Variants in PRSS54 observed in about 807,000 individuals in gnomAD.
PRSS54 encodes inactive serine protease 54.
Under a neutral mutation model 19.9 loss-of-function variants are expected in PRSS54, and 16 were observed. The observed-to-expected ratio is 0.80, with a 90% CI of 0.54 to 1.22. The LOEUF (loss-of-function observed/expected upper bound fraction) is 1.22. Among genes scored for constraint, PRSS54 ranks in the 50% most tolerant of loss-of-function variants. The pLI is 0.00. For missense variants in PRSS54, 444 were observed against 494.8 expected (o/e 0.90, Z 0.97); for synonymous variants, 177 against 195.8 (o/e 0.90, Z 0.80).
At chr16:58,285,657 T>C (rs1386062185) in intron 5 of PRSS54, among the ~76,000 whole-genome samples, 3 of 148,616 alleles carry the variant, frequency 2.0e-5, no homozygotes, top group Non-Finnish European at 4.4e-5. Flanking sequence ...GGAAGATCAC[T>C]TGAGCCCAGG....
At position 58,281,019 on chromosome 16, in the gene PRSS54, C is replaced by G. The variant is rs16960023; in HGVS notation, c.655-262G>C. 1,184 of 454,716 alleles carry G rather than the reference C, an allele frequency of 2.6e-3. 13 individuals are homozygous for G. Among genetic ancestry groups the G allele is most frequent in the African/African-American group, 0.022 (1,112 of 51,632 alleles). The allele number at this position is 454,716 out of a possible 1,614,324, so 28.2% of individuals were successfully genotyped here. ...CCTGGTTCATATTTCATTTTCTTGC[C>G]CCTTTCCAGTCCTTTGGCCAAACCT... On this transcript the variant is annotated intron_variant, in intron 6 of 6. Coordinates refer to ENST00000567164, the MANE Select transcript of PRSS54 (RefSeq NM_001305173.2).
chr16:58,286,250 C>T (rs1964919869), intron 4 of PRSS54, 55 bp from the exon 5 acceptor site: 1 of 1,591,798 alleles, frequency 6.3e-7, no homozygotes, highest in Non-Finnish European at 8.6e-7. Context: ...AAGCTTCACG[C>T]TTCCCTGTTT....
intron 4 of PRSS54, among the ~76,000 whole-genome samples, chr16:58,287,069 A>G (rs1182863166): frequency 6.6e-6 from 1 of 152,260 alleles, no homozygotes; most frequent in Admixed American, 6.5e-5. Context: ...AGGCCGTCAC[A>G]GGAGAACCAG....
Position 58,293,807 on chromosome 16 carries a change from C to T in PRSS54, c.10G>A (p.Ala4Thr), listed in dbSNP as rs774663445. The T allele has an allele frequency of 3.8e-5, 62 of 1,612,958 alleles. No individual in the cohort carries two copies. The highest frequency in any genetic ancestry group is 1.3e-4 in the South Asian group (12 of 90,672). MVSAAGLSGDGKMR... is the reference protein window; with the variant it reads MVSTAGLSGDGKMR... ...TTGCCATCCCCAGAGAGACCCGCCGCGGACACCATGGGCAGCTGGGGAAAC... is the reference window on the plus strand; with the variant it reads ...TTGCCATCCCCAGAGAGACCCGCCGTGGACACCATGGGCAGCTGGGGAAAC... The change falls in exon 3 of 7, where the codon GCG (alanine) becomes ACG (threonine). Residue 4 changes from alanine (A) to threonine (T), a missense_variant. Ala to Thr is a moderately conservative substitution (Grantham distance 58, BLOSUM62 0). Transcript: ENST00000567164.
Position 58,293,820 on chromosome 16 carries a change from C to G in PRSS54, c.-4G>C. ...AGAGACCCGCCGCGGACACCATGGG[C>G]AGCTGGGGAAACAAAACCCAATGAC... On this transcript the variant is annotated splice_region_variant and 5_prime_UTR_variant, in exon 3 of 7. Transcript: ENST00000567164. The G allele has an allele frequency of 1.2e-6, 2 of 1,611,458 alleles. No individual in the cohort carries two copies. Among genetic ancestry groups the G allele is most frequent in the Non-Finnish European group, 1.7e-6 (2 of 1,178,986 alleles).
At chr16:58,291,164 C>A in intron 3 of PRSS54, 28 bp from the exon 4 acceptor site, 1 of 1,608,382 alleles carries the variant, frequency 6.2e-7, no homozygotes, top group Non-Finnish European at 8.5e-7. Context: ...GGCCTCACTG[C>A]CGGGGCAAGG....
chr16:58,292,697 T>TA (rs1965062258), intron 3 of PRSS54, among the ~76,000 whole-genome samples: 1 of 152,218 alleles, frequency 6.6e-6, no homozygotes, highest in Admixed American at 6.5e-5. Context: ...ATCCTTATCT[T>TA]TGGTCTGAGT....
At chr16:58,293,886 C>T in intron 2 of PRSS54, 64 bp from the exon 3 acceptor site, 1 of 1,344,630 alleles carries the variant, frequency 7.4e-7, no homozygotes, top group Non-Finnish European at 1.0e-6. Context: ...TTCTATGCCT[C>T]TTTTTTCCAT....
chr16:58,287,984 CT>C (rs1348670992), intron 4 of PRSS54, among the ~76,000 whole-genome samples: 2 of 152,156 alleles, frequency 1.3e-5, no homozygotes, highest in African/African-American at 4.8e-5. Context: ...GGAGAATGAA[CT>C]TTTTAATTTA....
chr16:58,293,690 C>T (rs1272113825), intron 3 of PRSS54, 42 bp downstream of exon 3: 5 of 1,583,844 alleles, frequency 3.2e-6, no homozygotes, highest in Admixed American at 1.8e-5. Context: ...TTCTGTGCCA[C>T]GTGTGCAGCT....
chr16:58,284,502 C>G, intron 6 of PRSS54, 88 bp downstream of exon 6: 1 of 1,505,030 alleles, frequency 6.6e-7, no homozygotes, highest in Non-Finnish European at 9.2e-7. Flanking sequence ...ACAGAGCTCC[C>G]CATCTAGGGA....
intron 6 of PRSS54, 94 bp from the exon 7 acceptor site, chr16:58,280,851 T>A (rs1964709194): frequency 8.2e-7 from 1 of 1,216,004 alleles, no homozygotes; most frequent in Admixed American, 2.6e-5. Flanking sequence ...CTAGAAATGT[T>A]TTACGCTGGT....
At chr16:58,293,554 C>T in intron 3 of PRSS54, 178 bp downstream of exon 3, 1 of 985,452 alleles carries the variant, frequency 1.0e-6, no homozygotes, top group Non-Finnish European at 1.2e-6. Context: ...ATCCACGTCC[C>T]ATGATTCACT....
At chr16:58,282,110 G>A (rs1964772744) in intron 6 of PRSS54, 2 of 151,130 alleles carry the variant, frequency 1.3e-5, no homozygotes, top group South Asian at 4.2e-4. Context: ...CTGGGTTCAA[G>A]CGATTCTCCT....
rs1400743751 is a variant in PRSS54 at position 58,293,984 on chromosome 16, C to T, written c.-7+1G>A. 3.1e-6 allele frequency: 2 copies of T among 650,822 alleles called. No homozygotes were observed. Among genetic ancestry groups the T allele is most frequent in the Non-Finnish European group, 2.7e-6 (1 of 367,884 alleles). The allele number at this position is 650,822 out of a possible 1,614,324, so 40.3% of individuals were successfully genotyped here. On this transcript the variant is annotated splice_donor_variant, in intron 2 of 6. Transcript: ENST00000567164. LOFTEE classifies it low-confidence loss of function (5UTR_SPLICE). ...AAGGTTCCAAGATGTAGGGCACTGACCTGTCTTATCCCTAGTGCTTGGTTC... is the reference window on the plus strand; with the variant it reads ...AAGGTTCCAAGATGTAGGGCACTGATCTGTCTTATCCCTAGTGCTTGGTTC...
chr16:58,294,651 A>G (rs1248610189), intron 1 of PRSS54, among the ~76,000 whole-genome samples: 1 of 152,176 alleles, frequency 6.6e-6, no homozygotes, highest in East Asian at 1.9e-4. Flanking sequence ...AAGTGCTGGG[A>G]TTACCAGCGT....
intron 4 of PRSS54, among the ~76,000 whole-genome samples, chr16:58,286,959 G>A (rs1596903948): frequency 6.6e-6 from 1 of 152,092 alleles, no homozygotes; most frequent in East Asian, 1.9e-4. Flanking sequence ...AAGGAGAATA[G>A]GGCCCACAGA....
chr16:58,288,438 T>C (rs985863500), intron 4 of PRSS54, among the ~76,000 whole-genome samples: 3 of 151,852 alleles, frequency 2.0e-5, no homozygotes, highest in Non-Finnish European at 4.4e-5. Context: ...AAAAATTAAA[T>C]TATATAAAAT....
At position 58,293,684 on chromosome 16, in the gene PRSS54, GT is replaced by G. The variant is rs775099948; in HGVS notation, c.85+47del. 6 of 1,576,348 alleles carry G rather than the reference GT, an allele frequency of 3.8e-6. No individual in the cohort carries two copies. The African/African-American group carries it at 6.7e-5, about 18-fold the overall frequency. ...TCATCTTCCCGGATGATCCCCTTCT[GT>G]GCCACGTGTGCAGCTAAAGTCAGAG... On this transcript the variant is annotated intron_variant, in intron 3 of 6. Transcript: ENST00000567164.
Sources: allele counts gnomAD v4.1 joint callset (sites outside exome capture counted in the v4.1 genomes callset), GRCh38; gene constraint gnomAD v4.1.1; transcripts MANE v1.5; gene names NCBI Gene and HGNC (gene_info 2026-07-23, HGNC 2026-07-21).